The following ADAMTSL1 variants were observed in gnomAD, a reference collection of about 807,000 sequenced individuals.
ADAMTSL1 encodes ADAMTS-like protein 1.
A neutral mutation model predicts 201.8 loss-of-function variants in ADAMTSL1; 126 were observed. The observed-to-expected ratio is 0.62, with a 90% CI of 0.54 to 0.72. ADAMTSL1 has a LOEUF of 0.72. Ranked by LOEUF, ADAMTSL1 falls within the 30% of genes least tolerant of loss-of-function variation. The pLI, the probability that ADAMTSL1 is intolerant of heterozygous loss-of-function variation, is 0.00. For synonymous variants in ADAMTSL1, 1,121 were observed against 903.4 expected (o/e 1.24, Z -4.32); for missense variants, 2,679 against 2,277.8 (o/e 1.18, Z -3.59).
At chr9:17,924,478 A>G (rs1207063085) in intron 1 of ADAMTSL1, among the ~76,000 whole-genome samples, 7 of 151,946 alleles carry the variant, frequency 4.6e-5, no homozygotes, top group Non-Finnish European at 1.0e-4. Context: ...GATATCCAAA[A>G]CAGCATGGTA....
intron 1 of ADAMTSL1, among the ~76,000 whole-genome samples, chr9:18,477,277 T>G (rs986069513): frequency 2.0e-5 from 3 of 152,238 alleles, no homozygotes; most frequent in Non-Finnish European, 4.4e-5. Context: ...GCCTTTTGTT[T>G]CTTTTAAACG....
At chr9:18,718,181 A>G (rs572384328) in intron 14 of ADAMTSL1, 3 of 795,360 alleles carry the variant, frequency 3.8e-6, no homozygotes, top group Admixed American at 1.7e-5. Context: ...AGTCATACTT[A>G]TTACCAACAA....
At chr9:18,038,625 A>G (rs979963015) in intron 1 of ADAMTSL1, among the ~76,000 whole-genome samples, 1 of 152,220 alleles carries the variant, frequency 6.6e-6, no homozygotes, top group Non-Finnish European at 1.5e-5. Flanking sequence ...AATCAGCTAG[A>G]TGAACTAGCA....
chr9:17,932,233 C>T (rs551125287), intron 1 of ADAMTSL1, among the ~76,000 whole-genome samples: 103 of 152,230 alleles, frequency 6.8e-4, no homozygotes, highest in African/African-American at 2.4e-3. Flanking sequence ...TTTTAGCTGC[C>T]ACTGTTAATG....
At chr9:18,000,720 A>G (rs1471051910) in intron 1 of ADAMTSL1, among the ~76,000 whole-genome samples, 1 of 152,100 alleles carries the variant, frequency 6.6e-6, no homozygotes, top group Non-Finnish European at 1.5e-5. Context: ...TGAACAAAAA[A>G]GGAATGTACT....
At chr9:18,511,913 T>A (rs1159558121) in intron 2 of ADAMTSL1, among the ~76,000 whole-genome samples, 1 of 152,190 alleles carries the variant, frequency 6.6e-6, no homozygotes, top group Non-Finnish European at 1.5e-5. Context: ...GGACTTGTTT[T>A]AAGAGGTTTT....
Position 18,639,479 on chromosome 9 carries a change from C to T in ADAMTSL1, c.834+68C>T, listed in dbSNP as rs74518364. Reference sequence around the variant, plus strand: ...ATGATGTTACTTATAATTTCCTGAGCAGAGAGCGATTTTTGGTTCTGACAT... The same window carrying T: ...ATGATGTTACTTATAATTTCCTGAGTAGAGAGCGATTTTTGGTTCTGACAT... On this transcript the variant is annotated intron_variant, in intron 7 of 28. Transcript: ENST00000380548. 1.5e-3 allele frequency: 2,394 copies of T among 1,549,556 alleles called. 39 individuals carry two copies. The African/African-American group carries it at 0.03, about 20-fold the overall frequency.
intron 1 of ADAMTSL1, among the ~76,000 whole-genome samples, chr9:18,496,483 C>T (rs1822540919): frequency 6.6e-6 from 1 of 152,156 alleles, no homozygotes; most frequent in South Asian, 2.1e-4. Context: ...ACTATTACAC[C>T]ACATTTTTTT....
At chr9:18,516,294 G>A (rs1241264695) in intron 2 of ADAMTSL1, among the ~76,000 whole-genome samples, 1 of 152,150 alleles carries the variant, frequency 6.6e-6, no homozygotes, top group Non-Finnish European at 1.5e-5. Flanking sequence ...AGCAAACAGA[G>A]GGTGGTCTGT....
chr9:18,166,094 T>A (rs756621329), intron 2 of ADAMTSL1, among the ~76,000 whole-genome samples: 17 of 151,936 alleles, frequency 1.1e-4, no homozygotes, highest in Non-Finnish European at 1.9e-4. Flanking sequence ...AGCAGCATAC[T>A]CTGTTTGTAC....
At chr9:18,335,192 A>G (rs1361190896) in intron 2 of ADAMTSL1, among the ~76,000 whole-genome samples, 2 of 152,168 alleles carry the variant, frequency 1.3e-5, no homozygotes, top group Non-Finnish European at 2.9e-5. Context: ...AACAGGCAAC[A>G]TATTTACATA....
In ADAMTSL1 at chr9:18,462,044, C is replaced by A. The variant is rs185669916; in HGVS notation, c.208-42785C>A. ...CATCAGCTTTTGGTTGAAAAAAAAT[C>A]TGTGTATAAGTGGATCTGTACAGTT... On this transcript the variant is annotated intron_variant, in intron 2 of 29. Transcript: ENST00000680146. 4.8e-3 allele frequency among the ~76,000 whole-genome samples: 731 copies of A among 152,154 alleles called. 2 individuals carry two copies. Among genetic ancestry groups the A allele is most frequent in the Non-Finnish European group, 6.8e-3 (463 of 67,990 alleles).
intron 9 of ADAMTSL1, among the ~76,000 whole-genome samples, chr9:18,666,638 C>T (rs983932910): frequency 1.4e-4 from 22 of 152,260 alleles, no homozygotes; most frequent in African/African-American, 4.1e-4. Flanking sequence ...TTCTGTCTTA[C>T]GCCAATGGAA....
intron 23 of ADAMTSL1, among the ~76,000 whole-genome samples, chr9:18,849,759 A>G (rs749351912): frequency 6.6e-6 from 1 of 152,244 alleles, no homozygotes; most frequent in Non-Finnish European, 1.5e-5. Flanking sequence ...TTGATTTCCT[A>G]AAGCTTTGCC....
intron 1 of ADAMTSL1, among the ~76,000 whole-genome samples, chr9:18,113,617 G>A (rs1014313883): frequency 6.6e-6 from 1 of 152,100 alleles, no homozygotes; most frequent in African/African-American, 2.4e-5. Context: ...GATAGGTCTT[G>A]ACTGGAATGT....
At chr9:18,661,833 T>C in intron 8 of ADAMTSL1, 102 bp from the exon 9 acceptor site, 2 of 1,237,864 alleles carry the variant, frequency 1.6e-6, no homozygotes, top group Admixed American at 2.8e-5. Context: ...GACTAAGGCA[T>C]TGGGGAATAA....
At chr9:18,844,923 T>A (rs1350852417) in intron 23 of ADAMTSL1, among the ~76,000 whole-genome samples, 1 of 152,188 alleles carries the variant, frequency 6.6e-6, no homozygotes, top group African/African-American at 2.4e-5. Context: ...GTGACCCGAT[T>A]TTCCAGGTGC....
chr9:18,190,442 A>T (rs1828925297), intron 2 of ADAMTSL1, among the ~76,000 whole-genome samples: 1 of 152,170 alleles, frequency 6.6e-6, no homozygotes. Flanking sequence ...CTTGTACTTT[A>T]AACAGAGGAC....
chr9:18,191,042 C>G (rs916809629), intron 2 of ADAMTSL1, among the ~76,000 whole-genome samples: 1 of 152,080 alleles, frequency 6.6e-6, no homozygotes, highest in Non-Finnish European at 1.5e-5. Context: ...ATTGTTTTTA[C>G]AGTGGTAAAG....
Sources: gnomAD v4.1 joint callset for allele counts (sites outside exome capture counted in the v4.1 genomes callset) on GRCh38, gnomAD v4.1.1 for gene constraint, MANE v1.5 for transcripts, NCBI Gene and HGNC (gene_info 2026-07-23, HGNC 2026-07-21) for gene names.